Variants in ERGIC1 observed in about 807,000 individuals in gnomAD.
ERGIC1 encodes the protein endoplasmic reticulum-Golgi intermediate compartment protein 1.
A neutral mutation model predicts 38.3 loss-of-function variants in ERGIC1; 19 were observed. That is an observed-to-expected ratio of 0.50 (90% CI 0.35 to 0.73). The LOEUF is 0.73. Ranked by LOEUF, ERGIC1 falls within the 30% of genes least tolerant of loss-of-function variation. ERGIC1 has a pLI of 0.01. For missense variants in ERGIC1, 294 were observed against 389.2 expected (o/e 0.76, Z 2.06); for synonymous variants, 124 against 157.6 (o/e 0.79, Z 1.60).
chr5:172,867,689 G>A (rs1761902506), intron 1 of ERGIC1: 3 of 271,606 alleles, frequency 1.1e-5, no homozygotes, highest in South Asian at 6.4e-5. Context: ...CTCAATCCTG[G>A]TGCTGGGCAG....
intron 1 of ERGIC1, among the ~76,000 whole-genome samples, chr5:172,878,235 T>C (rs968960645): frequency 6.6e-6 from 1 of 152,142 alleles, no homozygotes; most frequent in Non-Finnish European, 1.5e-5. Flanking sequence ...GAAAACCTTA[T>C]ATGCGTTGGT....
At chr5:172,944,686 A>G (rs1374888529) in intron 9 of ERGIC1, among the ~76,000 whole-genome samples, 1 of 152,102 alleles carries the variant, frequency 6.6e-6, no homozygotes, top group Admixed American at 6.5e-5. Flanking sequence ...AAGCCAGAAA[A>G]CTGAGGCACT....
chr5:172,950,630 T>C, intron 9 of ERGIC1, 79 bp from the exon 10 acceptor site: 4 of 1,265,570 alleles, frequency 3.2e-6, no homozygotes, highest in Non-Finnish European at 4.5e-6. Flanking sequence ...CATCATCTCA[T>C]GATGTGGGAG....
intron 1 of ERGIC1, among the ~76,000 whole-genome samples, chr5:172,855,602 G>A (rs553514305): frequency 6.6e-6 from 1 of 152,356 alleles, no homozygotes; most frequent in African/African-American, 2.4e-5. Context: ...TTCTGATCCA[G>A]CCTTGCGTGG....
At chr5:172,915,390 C>G (rs1763335429) in intron 5 of ERGIC1, 1 of 419,042 alleles carries the variant, frequency 2.4e-6, no homozygotes, top group Non-Finnish European at 4.8e-6. Context: ...GTCTACAAAC[C>G]AGAAAGCATC....
At chr5:172,894,437 G>A (rs1178909056) in intron 2 of ERGIC1, among the ~76,000 whole-genome samples, 8 of 151,772 alleles carry the variant, frequency 5.3e-5, no homozygotes, top group African/African-American at 1.5e-4. Flanking sequence ...TTCGTGATCC[G>A]CCCGCCTCGG....
At chr5:172,897,856 C>T (rs944940839) in intron 3 of ERGIC1, 4 of 414,070 alleles carry the variant, frequency 9.7e-6, no homozygotes, top group East Asian at 7.1e-5. Context: ...GGTGAGGAAT[C>T]GGTGCAGGCT....
At chr5:172,902,233 G>T (rs929925802) in intron 3 of ERGIC1, among the ~76,000 whole-genome samples, 5 of 152,316 alleles carry the variant, frequency 3.3e-5, no homozygotes, top group Middle Eastern at 3.4e-3. Flanking sequence ...GGAAGCCTGG[G>T]AGGTGGGAGC....
At position 172,886,229 on chromosome 5, in the gene ERGIC1, G is replaced by A. The variant is rs145061622; in HGVS notation, c.21-2470G>A. ...TTCCGTCCTCCTCTCCCTGCACATC[G>A]GGCTGTACCCTGTGCCGGAGAGAGG... On this transcript the variant is annotated intron_variant, in intron 1 of 9. Coordinates refer to ENST00000393784, the MANE Select transcript of ERGIC1 (RefSeq NM_001031711.3). Among the ~76,000 whole-genome samples the A allele has an allele frequency of 1.4e-3, 213 of 152,120 alleles. 1 individual carries two copies. The highest frequency in any genetic ancestry group is 0.01 in the Middle Eastern group (3 of 292).
intron 4 of ERGIC1, 49 bp from the exon 5 acceptor site, chr5:172,914,665 C>T (rs1181038459): frequency 1.9e-6 from 3 of 1,613,624 alleles, no homozygotes; most frequent in Non-Finnish European, 2.5e-6. Context: ...GGCCCCCATC[C>T]TCCCGCGTCT....
intron 6 of ERGIC1, among the ~76,000 whole-genome samples, chr5:172,925,766 G>A (rs565585115): frequency 6.6e-6 from 1 of 152,334 alleles, no homozygotes; most frequent in Non-Finnish European, 1.5e-5. Flanking sequence ...CCTCCAGGGT[G>A]TCTAGCTCGA....
intron 1 of ERGIC1, among the ~76,000 whole-genome samples, chr5:172,861,635 G>A (rs1371763294): frequency 2.0e-5 from 3 of 152,244 alleles, no homozygotes; most frequent in East Asian, 3.8e-4. Context: ...AAGACACCCA[G>A]CACTGTGCCT....
At chr5:172,863,525 C>T (rs1256034343) in intron 1 of ERGIC1, among the ~76,000 whole-genome samples, 1 of 152,214 alleles carries the variant, frequency 6.6e-6, no homozygotes, top group Non-Finnish European at 1.5e-5. Context: ...CACCTTCAGG[C>T]TGAGTGGCCA....
At chr5:172,930,720 AC>A (rs1308741959) in intron 7 of ERGIC1, among the ~76,000 whole-genome samples, 1 of 152,082 alleles carries the variant, frequency 6.6e-6, no homozygotes, top group Non-Finnish European at 1.5e-5. Context: ...CAAGTTTTTA[AC>A]CTAGGGCAAT....
intron 1 of ERGIC1, among the ~76,000 whole-genome samples, chr5:172,874,955 C>T (rs2065374517): frequency 1.3e-5 from 2 of 150,848 alleles, no homozygotes; most frequent in Non-Finnish European, 3.0e-5. Flanking sequence ...AAGAAGAGGG[C>T]AGAGTAAGCA....
At chr5:172,872,877 G>A (rs1762050652) in intron 1 of ERGIC1, among the ~76,000 whole-genome samples, 2 of 152,178 alleles carry the variant, frequency 1.3e-5, no homozygotes, top group African/African-American at 4.8e-5. Context: ...ACAAAGCAAA[G>A]CTGAATCAAT....
At chr5:172,850,301 G>GCCCCACCCCA (rs1160096849) in intron 1 of ERGIC1, among the ~76,000 whole-genome samples, 1 of 109,312 alleles carries the variant, frequency 9.1e-6, no homozygotes, top group Non-Finnish European at 1.9e-5. Context: ...CCCCCTCCCT[G>GCCCCACCCCA]CCCCACCCCA....
chr5:172,860,073 A>G (rs1361863007), intron 1 of ERGIC1, among the ~76,000 whole-genome samples: 1 of 152,198 alleles, frequency 6.6e-6, no homozygotes, highest in East Asian at 1.9e-4. Context: ...ATGCTCCTAT[A>G]TGTTTGTTCA....
chr5:172,838,869 G>C (rs2113506059), intron 1 of ERGIC1, among the ~76,000 whole-genome samples: 1 of 152,304 alleles, frequency 6.6e-6, no homozygotes, highest in South Asian at 2.1e-4. Context: ...TAACATGAAT[G>C]CCTGTATTTC....
Sources: allele counts gnomAD v4.1 joint callset (sites outside exome capture counted in the v4.1 genomes callset), GRCh38; gene constraint gnomAD v4.1.1; transcripts MANE v1.5; gene names NCBI Gene and HGNC (gene_info 2026-07-23, HGNC 2026-07-21).